Variants in CAMK2G observed in about 807,000 individuals in gnomAD.
The protein encoded by CAMK2G is calcium/calmodulin dependent protein kinase II gamma, also known as calcium/calmodulin-dependent protein kinase type II subunit gamma.
CAMK2G carries 23 observed loss-of-function variants against 88.7 expected under a neutral mutation model. The ratio of observed to expected loss-of-function variants is 0.26; its 90% CI spans 0.19 to 0.37. The LOEUF is 0.37. Among genes scored for constraint, CAMK2G ranks in the 10% least tolerant of loss-of-function variants. CAMK2G has a pLI of 1.00. For missense variants in CAMK2G, 476 were observed against 780.8 expected, an observed-to-expected ratio of 0.61 and a Z score of 4.65; for synonymous variants, 263 against 294.8, an observed-to-expected ratio of 0.89 and a Z score of 1.11.
chr10:73,839,516 C>A lies in CAMK2G; in HGVS notation c.1009+23G>T. 1 of 1,228,126 alleles carries A rather than the reference C, an allele frequency of 8.1e-7. No individual in the cohort carries two copies. Among genetic ancestry groups the A allele is most frequent in the South Asian group, 4.1e-5 (1 of 24,312 alleles). 76.1% of individuals were successfully genotyped at this position (1,228,126 alleles called of 1,614,324 possible). On this transcript the variant is annotated intron_variant, in intron 13 of 22. Transcript: ENST00000423381. The surrounding 1 kb of genome is among the most constrained non-coding windows in gnomAD (Gnocchi z 4.2). ...GTGGCAGGGGGCCGAGGCAGGCGGT[C>A]GGGGAGGACTCATGCCACGTACCTT...
In CAMK2G at chr10:73,847,383, G is replaced by T. The variant is rs1381544109; in HGVS notation, c.697-36C>A. The T allele has an allele frequency of 3.7e-6, 6 of 1,611,452 alleles. No homozygotes were observed. In the African/African-American group the frequency reaches 8.0e-5, roughly 22 times the overall value. The stretch of plus-strand genomic sequence containing the variant: ...GGAATAGGGAGAAGAATGTGGTATT[G>T]GTGAGCTTCATACCCTGCAACACTG... On this transcript the variant is annotated intron_variant, in intron 9 of 22. Transcript: ENST00000423381.
rs1343733473 is a variant in CAMK2G, at chr10:73,821,511, CA to C, written c.1249+170del. 2.0e-5 allele frequency among the ~76,000 whole-genome samples: 3 copies of C among 152,196 alleles called. No individual in the cohort carries two copies. In the East Asian group the frequency reaches 5.8e-4, roughly 29 times the overall value. On this transcript the variant is annotated intron_variant, in intron 18 of 22. Coordinates refer to ENST00000423381, the MANE Select transcript of CAMK2G (RefSeq NM_001367534.1). Reference sequence around the variant, plus strand: ...TCTTGCCCAACTCAGCAACACCAGACAGGGGCCTCATATCTTGGCTCGTGGA... The same window carrying C: ...TCTTGCCCAACTCAGCAACACCAGACGGGGCCTCATATCTTGGCTCGTGGA...
rs77833482 is a variant in CAMK2G at position 73,873,202 on chromosome 10, T to G, written c.66-119A>C. The stretch of plus-strand genomic sequence containing the variant: ...AGACCTCTAGTCACACTCACGTACA[T>G]GCACACACACCGGCGCTGTGACCAC... On this transcript the variant is annotated intron_variant, in intron 1 of 22. Transcript: ENST00000423381. 2.8e-4 allele frequency: 271 copies of G among 962,684 alleles called. 2 individuals carry two copies. The East Asian group carries it at 6.3e-3, about 22-fold the overall frequency. 59.6% of individuals were successfully genotyped at this position (962,684 alleles called of 1,614,324 possible). A position where few individuals can be genotyped will look rare whatever the true frequency, so the allele number is the denominator to read the frequency against.
chr10:73,829,945 G>A (rs1452057807), intron 14 of CAMK2G, among the ~76,000 whole-genome samples: 6 of 152,274 alleles, frequency 3.9e-5, no homozygotes, highest in East Asian at 1.9e-4. Context: ...ACTGAATCAC[G>A]GCAGCAAGAA....
At chr10:73,854,505 C>T (rs930920175) in intron 3 of CAMK2G, among the ~76,000 whole-genome samples, 4 of 152,170 alleles carry the variant, frequency 2.6e-5, no homozygotes, top group Non-Finnish European at 4.4e-5. Flanking sequence ...GTTCCAAAGG[C>T]CTCCCTCGGT....
intron 13 of CAMK2G, among the ~76,000 whole-genome samples, chr10:73,838,809 TA>T (rs1425296766): frequency 6.6e-6 from 1 of 152,152 alleles, no homozygotes; most frequent in Admixed American, 6.5e-5. Context: ...CCTGGGAGCT[TA>T]AAAAAAGCGT....
At chr10:73,865,340 G>A (rs1459160750) in intron 2 of CAMK2G, among the ~76,000 whole-genome samples, 5 of 152,202 alleles carry the variant, frequency 3.3e-5, no homozygotes, top group Admixed American at 6.5e-5. Context: ...CGCAGGAAGT[G>A]CCACTGTCCG....
chr10:73,853,681 G>A (rs1321067893), intron 3 of CAMK2G, among the ~76,000 whole-genome samples: 1 of 152,232 alleles, frequency 6.6e-6, no homozygotes, highest in Non-Finnish European at 1.5e-5. Flanking sequence ...CAGAACTAAG[G>A]GGTGGGGAAG....
At chr10:73,870,107 A>C (rs1183511997) in intron 2 of CAMK2G, among the ~76,000 whole-genome samples, 1 of 152,240 alleles carries the variant, frequency 6.6e-6, no homozygotes, top group East Asian at 1.9e-4. Flanking sequence ...AAGATTTAAA[A>C]ATAAAAAAAG....
intron 14 of CAMK2G, among the ~76,000 whole-genome samples, chr10:73,832,557 G>A (rs984603398): frequency 2.0e-5 from 3 of 151,894 alleles, no homozygotes; most frequent in Non-Finnish European, 2.9e-5. Context: ...TGTCTGCCTC[G>A]GGCTCCCAAA....
In CAMK2G at chr10:73,812,645, T is replaced by C. The variant is rs2084499383; in HGVS notation, c.*1873A>G. ...TGCAAAAATTCTGCATCAAATGCCT[T>C]CCGTTTCTTGTTTAAAAGGTGATTT... On this transcript the variant is annotated 3_prime_UTR_variant, in exon 23 of 23. Coordinates refer to ENST00000423381, the MANE Select transcript of CAMK2G (RefSeq NM_001367534.1). The C allele has an allele frequency of 6.5e-6, 1 of 152,692 alleles. No homozygotes were observed. Among genetic ancestry groups the C allele is most frequent in the Non-Finnish European group, 1.5e-5 (1 of 68,048 alleles). 9.5% of individuals were successfully genotyped at this position (152,692 alleles called of 1,614,324 possible). A position where few individuals can be genotyped will look rare whatever the true frequency, so the allele number is the denominator to read the frequency against.
chr10:73,869,676 G>A (rs2095741873), intron 2 of CAMK2G, among the ~76,000 whole-genome samples: 1 of 152,196 alleles, frequency 6.6e-6, no homozygotes, highest in African/African-American at 2.4e-5. Flanking sequence ...AAACACATAA[G>A]GACCCTTCCC....
chr10:73,846,309 C>T (rs1025315136), intron 10 of CAMK2G: 1 of 152,204 alleles, frequency 6.6e-6, no homozygotes, highest in Non-Finnish European at 1.5e-5. Context: ...CCCATAACCT[C>T]TCACTGTGCT....
At chr10:73,857,837 A>C (rs951987758) in intron 3 of CAMK2G, among the ~76,000 whole-genome samples, 1 of 152,164 alleles carries the variant, frequency 6.6e-6, no homozygotes, top group South Asian at 2.1e-4. Context: ...TGTGCCTTAC[A>C]CCCAAACAGG....
intron 21 of CAMK2G, chr10:73,815,742 AATTG>A: frequency 2.2e-6 from 2 of 917,688 alleles, no homozygotes; most frequent in Non-Finnish European, 2.6e-6. Flanking sequence ...AACCATTCAA[AATTG>A]ATTTGTAATT....
chr10:73,869,281 C>G (rs2095714696), intron 2 of CAMK2G, among the ~76,000 whole-genome samples: 1 of 152,200 alleles, frequency 6.6e-6, no homozygotes, highest in African/African-American at 2.4e-5. Context: ...CTTACGCACA[C>G]TAAAATTGAA....
At position 73,873,661 on chromosome 10, in the gene CAMK2G, C is replaced by T. The variant is rs146442081; in HGVS notation, c.66-578G>A. ...AGTCAGACATCAAGAACTCCCCTTC[C>T]CATGCTATTTTCCTTGACGTCCCCG... On this transcript the variant is annotated intron_variant, in intron 1 of 22. Transcript: ENST00000423381. 1,098 of 347,026 alleles carry T rather than the reference C, an allele frequency of 3.2e-3. 3 individuals are homozygous for T. Among genetic ancestry groups the T allele is most frequent in the South Asian group, 0.012 (106 of 8,604 alleles). 21.5% of individuals were successfully genotyped at this position (347,026 alleles called of 1,614,324 possible).
intron 9 of CAMK2G, among the ~76,000 whole-genome samples, chr10:73,847,557 G>A (rs974486646): frequency 6.6e-6 from 1 of 152,166 alleles, no homozygotes; most frequent in African/African-American, 2.4e-5. Context: ...TGTTTAGAAT[G>A]CCAGAACATC....
chr10:73,842,535 A>T lies in CAMK2G; in HGVS notation c.826T>A (p.Ser276Thr). 1 of 1,613,018 alleles carries T rather than the reference A, an allele frequency of 6.2e-7. No homozygotes were observed. Among genetic ancestry groups the T allele is most frequent in the Non-Finnish European group, 8.5e-7 (1 of 1,179,058 alleles). The stretch of plus-strand genomic sequence containing the variant: ...CGATGCATCATGGATGCCACCGTGG[A>T]TCGTTGCTAGAAACCAAACAGACAG... ...ALKHPWVCQR[S>T]TVASMMHRQE... is the part of the protein sequence containing the mutation. The change falls in exon 11 of 23, where the codon TCC becomes ACC. Residue 276 changes from serine to threonine, a missense_variant. Ser to Thr is a moderately conservative substitution (Grantham distance 58). This residue lies in a region of CAMK2G where 164 missense variants were observed against 385.6 expected (regional missense o/e 0.43). Coordinates refer to ENST00000423381, the MANE Select transcript of CAMK2G (RefSeq NM_001367534.1). The surrounding 1 kb of genome is among the most constrained non-coding windows in gnomAD (Gnocchi z 4.6).
Sources: gnomAD v4.1 joint callset for allele counts (sites outside exome capture counted in the v4.1 genomes callset) on GRCh38, gnomAD v4.1.1 for gene constraint, gnomAD v4.1.1 regional missense constraint, Gnocchi (gnomAD v3.1) non-coding constraint, MANE v1.5 for transcripts, NCBI Gene and HGNC (gene_info 2026-07-23, HGNC 2026-07-21) for gene names.